The following GPM6B variants were observed in gnomAD, a reference collection of about 807,000 sequenced individuals.
The protein encoded by GPM6B is neuronal membrane glycoprotein M6-b.
GPM6B carries 4 observed loss-of-function variants against 27.2 expected under a neutral mutation model. The observed-to-expected ratio is 0.15, with a 90% confidence interval of 0.07 to 0.34. GPM6B has a LOEUF of 0.34. GPM6B is among the 10% of genes least tolerant of loss of function. The pLI, the probability that GPM6B is intolerant of heterozygous loss-of-function variation, is 1.00. For missense variants in GPM6B, 183 were observed against 261.9 expected (o/e 0.70, Z 2.08); for synonymous variants, 124 against 103.1 (o/e 1.20, Z -1.23).
intron 1 of GPM6B, among the ~76,000 whole-genome samples, chrX:13,901,174 G>A (rs1038656628): frequency 6.3e-5 from 7 of 111,772 alleles, no homozygotes; most frequent in Non-Finnish European, 7.5e-5. Context: ...TAAGAGGTAA[G>A]GAGCACTGAA....
intron 1 of GPM6B, among the ~76,000 whole-genome samples, chrX:13,887,592 TCAAAGAGA>T (rs1365960680): frequency 9.0e-6 from 1 of 111,647 alleles, no homozygotes; most frequent in Non-Finnish European, 1.9e-5. Flanking sequence ...GGACTCCAGA[TCAAAGAGA>T]CAAAGATGCA....
At chrX:13,802,976 A>C (rs2048951001) in intron 2 of GPM6B, among the ~76,000 whole-genome samples, 1 of 112,116 alleles carries the variant, frequency 8.9e-6, no homozygotes, top group African/African-American at 3.2e-5. Context: ...TGGTACACGC[A>C]GAAGGATTAA....
intron 1 of GPM6B, among the ~76,000 whole-genome samples, chrX:13,833,882 C>T (rs1238786758): frequency 1.8e-5 from 2 of 112,585 alleles, no homozygotes; most frequent in African/African-American, 6.5e-5. Flanking sequence ...GTTTCTAGTG[C>T]TCTGCCATTG....
In GPM6B at chrX:13,772,571, T is replaced by C. The variant is rs1439479937; in HGVS notation, c.*310A>G. 4.3e-6 allele frequency: 1 copy of C among 233,634 alleles called. No homozygotes were observed. The highest frequency in any genetic ancestry group is 2.8e-5 in the African/African-American group (1 of 36,189). 19.3% of individuals were successfully genotyped at this position (233,634 alleles called of 1,213,427 possible). On this transcript the variant is annotated 3_prime_UTR_variant, in exon 8 of 8. Coordinates refer to ENST00000316715, the MANE Select transcript of GPM6B (RefSeq NM_001001995.3). ...CTATTAAGGAGTGTGACATATTCCA[T>C]TGAGTGTCTTGGTAGAATTGCCCTA...
intron 1 of GPM6B, chrX:13,889,305 C>T (rs2050166983): frequency 8.9e-6 from 1 of 111,858 alleles, no homozygotes; most frequent in Non-Finnish European, 1.9e-5. Context: ...TGGATAATGG[C>T]TAATTCCTGT....
At chrX:13,867,693 T>C (rs2049933957) in intron 1 of GPM6B, among the ~76,000 whole-genome samples, 2 of 111,345 alleles carry the variant, frequency 1.8e-5, no homozygotes, top group African/African-American at 3.3e-5. Flanking sequence ...TACCAGATGC[T>C]GAAAGGAAGA....
intron 1 of GPM6B, among the ~76,000 whole-genome samples, chrX:13,815,946 G>A (rs1162881534): frequency 5.4e-5 from 6 of 111,812 alleles, no homozygotes; most frequent in Non-Finnish European, 9.4e-5. Context: ...GAGCCACTGC[G>A]GTTACAGAAT....
intron 1 of GPM6B, among the ~76,000 whole-genome samples, chrX:13,926,406 T>C (rs1188248057): frequency 2.0e-5 from 2 of 98,719 alleles, no homozygotes; most frequent in Non-Finnish European, 4.0e-5. Flanking sequence ...CGAGACTCCA[T>C]CTCAAAAAAA....
At chrX:13,804,658 G>A in intron 2 of GPM6B, among the ~76,000 whole-genome samples, 1 of 111,058 alleles carries the variant, frequency 9.0e-6, no homozygotes, top group Middle Eastern at 4.6e-3. Context: ...GAATAAGGAA[G>A]TTCCTGGAGA....
intron 1 of GPM6B, among the ~76,000 whole-genome samples, chrX:13,936,809 C>A (rs780318862): frequency 8.9e-6 from 1 of 112,337 alleles, no homozygotes; most frequent in South Asian, 3.7e-4. Context: ...CAACTCCACA[C>A]CTGTTTAAAA....
At chrX:13,925,088 T>C (rs1373356488) in intron 1 of GPM6B, among the ~76,000 whole-genome samples, 3 of 111,975 alleles carry the variant, frequency 2.7e-5, no homozygotes. Flanking sequence ...TGAAATTCTA[T>C]TCAAAGGATG....
intron 2 of GPM6B, among the ~76,000 whole-genome samples, chrX:13,794,170 T>TTC (rs775581413): frequency 9.3e-6 from 1 of 107,862 alleles, no homozygotes; most frequent in Non-Finnish European, 1.9e-5. Context: ...AGAGCAGTGG[T>TTC]TCTCTCTCTC....
chrX:13,918,499 A>G (rs1235533428), intron 1 of GPM6B, among the ~76,000 whole-genome samples: 1 of 112,554 alleles, frequency 8.9e-6, no homozygotes, highest in Non-Finnish European at 1.9e-5. Flanking sequence ...GAAAGCACAG[A>G]AAACTCCCAA....
intron 1 of GPM6B, among the ~76,000 whole-genome samples, chrX:13,841,087 T>C (rs984284776): frequency 8.9e-6 from 1 of 111,828 alleles, no homozygotes; most frequent in Non-Finnish European, 1.9e-5. Context: ...TGTACATGCA[T>C]GAACGCACAT....
rs1311070112 is a variant in GPM6B at position 13,772,808 on chromosome X, C to A, written c.*73G>T. 1 of 1,011,455 alleles carries A rather than the reference C, an allele frequency of 9.9e-7. No homozygotes were observed. The highest frequency in any genetic ancestry group is 1.8e-5 in the African/African-American group (1 of 54,314). 83.4% of individuals were successfully genotyped at this position (1,011,455 alleles called of 1,213,427 possible). ...TACATTAGTTTGGTGGGATACACAT[C>A]TGTACTGCAGAGCAGCTGTCTGATG... On this transcript the variant is annotated 3_prime_UTR_variant, in exon 8 of 8. Coordinates refer to ENST00000316715, the MANE Select transcript of GPM6B (RefSeq NM_001001995.3).
intron 1 of GPM6B, among the ~76,000 whole-genome samples, chrX:13,808,354 C>A (rs1349447970): frequency 8.9e-6 from 1 of 112,163 alleles, no homozygotes; most frequent in African/African-American, 3.2e-5. Flanking sequence ...AATTTTCTCC[C>A]ATGTGCTATA....
At chrX:13,779,038 C>G (rs1224964943) in intron 5 of GPM6B, among the ~76,000 whole-genome samples, 1 of 111,241 alleles carries the variant, frequency 9.0e-6, no homozygotes, top group Non-Finnish European at 1.9e-5. Flanking sequence ...TTCCCCCCCA[C>G]CCCCGGTTGT....
At chrX:13,859,414 T>C (rs2049817767) in intron 1 of GPM6B, among the ~76,000 whole-genome samples, 2 of 112,076 alleles carry the variant, frequency 1.8e-5, no homozygotes, top group South Asian at 3.7e-4. Context: ...CTTTTTTTCA[T>C]TGCTGAGTAG....
chrX:13,892,146 G>A (rs1287974725), intron 1 of GPM6B, among the ~76,000 whole-genome samples: 3 of 111,796 alleles, frequency 2.7e-5, no homozygotes, highest in Admixed American at 9.5e-5. Flanking sequence ...TTGGTGCTAT[G>A]ACAGAATTTC....
Sources: allele counts gnomAD v4.1 joint callset (sites outside exome capture counted in the v4.1 genomes callset), GRCh38; gene constraint gnomAD v4.1.1; transcripts MANE v1.5; gene names NCBI Gene and HGNC (gene_info 2026-07-23, HGNC 2026-07-21).